The following SMURF1 variants were observed in gnomAD, a reference collection of about 807,000 sequenced individuals.
SMURF1 encodes E3 ubiquitin-protein ligase SMURF1.
Under a neutral mutation model 98.0 loss-of-function variants are expected in SMURF1, and 44 were observed. That is an observed-to-expected ratio of 0.45 (90% CI 0.35 to 0.58). SMURF1 has a LOEUF of 0.58. SMURF1 is among the 20% of genes least tolerant of loss of function. The probability of loss-of-function intolerance (pLI) is 0.00; values close to 1 mark genes in which losing one functional copy is unlikely to be tolerated. For missense variants in SMURF1, 687 were observed against 938.4 expected, an observed-to-expected ratio of 0.73 and a Z score of 3.50; for synonymous variants, 396 against 374.9, an observed-to-expected ratio of 1.06 and a Z score of -0.65.
Position 99,027,832 on chromosome 7 carries a change from A to AG in SMURF1, c.*2751dup, listed in dbSNP as rs1428745352. Reference sequence around the variant, plus strand: ...GGTGGGGGGACATTTTCTCTGCAGAAGGCCTTTCCTGACATCTCGGGTTGG... The same window carrying AG: ...GGTGGGGGGACATTTTCTCTGCAGAAGGGCCTTTCCTGACATCTCGGGTTGG... On this transcript the variant is annotated 3_prime_UTR_variant, in exon 18 of 18. Transcript: ENST00000361368. The AG allele has an allele frequency of 6.6e-6, 1 of 152,568 alleles. No homozygotes were observed. The highest frequency in any genetic ancestry group is 1.5e-5 in the Non-Finnish European group (1 of 68,060). The allele number at this position is 152,568 out of a possible 1,614,324, so 9.5% of individuals were successfully genotyped here.
intron 1 of SMURF1, among the ~76,000 whole-genome samples, chr7:99,077,001 AAAAC>A (rs891136477): frequency 5.9e-5 from 9 of 151,848 alleles, no homozygotes; most frequent in South Asian, 2.1e-4. Flanking sequence ...AATAAAAAAA[AAAAC>A]AAAAAAGGTT....
chr7:99,070,859 T>C (rs893137319), intron 1 of SMURF1, among the ~76,000 whole-genome samples: 2 of 152,116 alleles, frequency 1.3e-5, no homozygotes, highest in Non-Finnish European at 1.5e-5. Context: ...ATGTGATGTG[T>C]CTGACTCCTA....
At chr7:99,142,902 C>T (rs1264350866) in intron 1 of SMURF1, among the ~76,000 whole-genome samples, 1 of 88,162 alleles carries the variant, frequency 1.1e-5, no homozygotes, top group Middle Eastern at 0.01. Context: ...GGCAGGTGGG[C>T]GGAGAGGATG....
rs548034466 is a variant in SMURF1, at chr7:99,029,594, C to G, written c.*990G>C. On this transcript the variant is annotated 3_prime_UTR_variant, in exon 18 of 18. Coordinates refer to ENST00000361368, the MANE Select transcript of SMURF1 (RefSeq NM_181349.3). ...TTACATCATCGAGGTTATCCTTTCA[C>G]CATTGCTTTTAAGCGAGTTCACACC... The G allele has an allele frequency of 6.6e-6, 1 of 152,326 alleles. No individual in the cohort carries two copies. The highest frequency in any genetic ancestry group is 2.4e-5 in the African/African-American group (1 of 41,570). The allele number at this position is 152,326 out of a possible 1,614,324, so 9.4% of individuals were successfully genotyped here. A position where few individuals can be genotyped will look rare whatever the true frequency, so the allele number is the denominator to read the frequency against.
At chr7:99,128,093 T>C (rs376890541) in intron 1 of SMURF1, among the ~76,000 whole-genome samples, 1 of 152,040 alleles carries the variant, frequency 6.6e-6, no homozygotes, top group African/African-American at 2.4e-5. Context: ...CAAAAAAAAA[T>C]AATATCGCTG....
chr7:99,047,622 T>G (rs954396190), intron 10 of SMURF1, 62 bp downstream of exon 10: 22 of 1,549,142 alleles, frequency 1.4e-5, no homozygotes, highest in Non-Finnish European at 2.0e-5. Flanking sequence ...TTGAGATTCC[T>G]TTGTCTGAAT....
At chr7:99,076,368 G>C (rs989590576) in intron 1 of SMURF1, among the ~76,000 whole-genome samples, 2 of 152,244 alleles carry the variant, frequency 1.3e-5, no homozygotes, top group African/African-American at 4.8e-5. Context: ...CTGATATTAA[G>C]AGCATGAAAT....
chr7:99,103,316 A>C (rs1334545783), intron 1 of SMURF1, among the ~76,000 whole-genome samples: 1 of 152,208 alleles, frequency 6.6e-6, no homozygotes, highest in East Asian at 1.9e-4. Context: ...GCCTCCTGTG[A>C]AATCAAACAC....
intron 1 of SMURF1, among the ~76,000 whole-genome samples, chr7:99,105,726 C>T (rs79898875): frequency 0.021 from 3,181 of 152,184 alleles, 110 homozygotes; most frequent in African/African-American, 0.07. Context: ...TTGCATTCTA[C>T]TCATATATTA....
Position 99,027,749 on chromosome 7 carries a change from A to G in SMURF1, c.*2835T>C, listed in dbSNP as rs1317459389. 6.6e-6 allele frequency: 1 copy of G among 152,564 alleles called. No individual in the cohort carries two copies. The highest frequency in any genetic ancestry group is 1.5e-5 in the Non-Finnish European group (1 of 68,038). The allele number at this position is 152,564 out of a possible 1,614,324, so 9.5% of individuals were successfully genotyped here. A position where few individuals can be genotyped will look rare whatever the true frequency, so the allele number is the denominator to read the frequency against. ...GAAACAAAAATAAACACATTTTTAA[A>G]ATCCATACTATGTTTCGGGAAGGCT... On this transcript the variant is annotated 3_prime_UTR_variant, in exon 18 of 18. Transcript: ENST00000361368.
chr7:99,059,403 A>AAAAAAAAAT (rs1795968528), intron 3 of SMURF1, among the ~76,000 whole-genome samples: 1 of 16,806 alleles, frequency 6.0e-5, no homozygotes, highest in African/African-American at 2.8e-4. Context: ...ATCTCAAAAA[A>AAAAAAAAAT]AAATAAAATA....
rs1287829468 is a variant in SMURF1 at position 99,125,235 on chromosome 7, T to A, written c.55+18491A>T. 3.3e-5 allele frequency among the ~76,000 whole-genome samples: 5 copies of A among 152,062 alleles called. No individual in the cohort carries two copies. In the South Asian group the frequency reaches 6.2e-4, roughly 19 times the overall value. On this transcript the variant is annotated intron_variant, in intron 1 of 17. Transcript: ENST00000361368. ...CTGGAACTACAAGCATGCACCACCA[T>A]GCCTGGCTAATTTTTTGTTTTTGTT... is the stretch of plus-strand genomic sequence containing the variant.
At chr7:99,130,137 G>A (rs1214442050) in intron 1 of SMURF1, among the ~76,000 whole-genome samples, 1 of 152,074 alleles carries the variant, frequency 6.6e-6, no homozygotes, top group Non-Finnish European at 1.5e-5. Context: ...CCTATAATCT[G>A]TACCTGAATT....
chr7:99,059,645 C>T (rs1266891479), intron 3 of SMURF1, among the ~76,000 whole-genome samples: 2 of 152,000 alleles, frequency 1.3e-5, no homozygotes, highest in African/African-American at 2.4e-5. Flanking sequence ...TACAGTGGCT[C>T]ACGCCTGTAA....
At chr7:99,053,202 T>C (rs1795803755) in intron 6 of SMURF1, among the ~76,000 whole-genome samples, 1 of 152,190 alleles carries the variant, frequency 6.6e-6, no homozygotes, top group African/African-American at 2.4e-5. Flanking sequence ...TTGAAGACAA[T>C]TCACCTTAAT....
At chr7:99,061,777 A>G in intron 2 of SMURF1, 22 bp downstream of exon 2, 1 of 1,578,582 alleles carries the variant, frequency 6.3e-7, no homozygotes, top group Admixed American at 1.8e-5. Flanking sequence ...TATAAGAGGG[A>G]AAAAAATAAG....
At chr7:99,116,917 G>A (rs1244526585) in intron 1 of SMURF1, among the ~76,000 whole-genome samples, 4 of 152,072 alleles carry the variant, frequency 2.6e-5, no homozygotes, top group Non-Finnish European at 5.9e-5. Flanking sequence ...AACAAAGCTG[G>A]GGGACTCACA....
chr7:99,095,387 T>C (rs950593701), intron 1 of SMURF1, among the ~76,000 whole-genome samples: 2 of 152,314 alleles, frequency 1.3e-5, no homozygotes, highest in South Asian at 2.1e-4. Flanking sequence ...GACTGTTTTT[T>C]TGTATATTTT....
intron 11 of SMURF1, 58 bp downstream of exon 11, chr7:99,045,640 T>C: frequency 6.9e-7 from 1 of 1,443,506 alleles, no homozygotes; most frequent in Admixed American, 1.7e-5. Flanking sequence ...GGCAAATGAC[T>C]TCTCTTGAAA....
Sources: gnomAD v4.1 joint callset for allele counts (sites outside exome capture counted in the v4.1 genomes callset) on GRCh38, gnomAD v4.1.1 for gene constraint, MANE v1.5 for transcripts, NCBI Gene and HGNC (gene_info 2026-07-23, HGNC 2026-07-21) for gene names.